AGBL4: variants seen among roughly 807,000 people sequenced by gnomAD.
AGBL4 encodes the protein AGBL carboxypeptidase 4.
In AGBL4, 58 loss-of-function variants were observed where a neutral mutation model predicts 66.4. That is an observed-to-expected ratio of 0.87 (90% CI 0.71 to 1.09). The LOEUF (loss-of-function observed/expected upper bound fraction) is 1.09, where lower values mean the gene tolerates loss of function less well. AGBL4 is among the 50% of genes least tolerant of loss of function. The pLI is 0.00. For synonymous variants in AGBL4, 234 were observed against 222.9 expected (o/e 1.05, Z -0.44); for missense variants, 579 against 631.0 (o/e 0.92, Z 0.88).
At chr1:48,595,175 A>G (rs1422496725) in intron 9 of AGBL4, among the ~76,000 whole-genome samples, 3 of 152,174 alleles carry the variant, frequency 2.0e-5, no homozygotes, top group Non-Finnish European at 4.4e-5. Flanking sequence ...CTTATAATTC[A>G]AGGTACAGAT....
chr1:49,185,239 C>G (rs2148194305), intron 4 of AGBL4, among the ~76,000 whole-genome samples: 1 of 152,244 alleles, frequency 6.6e-6, no homozygotes, highest in South Asian at 2.1e-4. Flanking sequence ...ATCCACTTGA[C>G]ATAACAGATT....
intron 2 of AGBL4, among the ~76,000 whole-genome samples, chr1:49,707,502 A>G (rs1342797326): frequency 6.7e-6 from 1 of 149,274 alleles, no homozygotes; most frequent in African/African-American, 2.5e-5. Context: ...TTGACCCTTT[A>G]TCTAATTTGC....
At chr1:48,570,223 G>A (rs945987872) in intron 11 of AGBL4, among the ~76,000 whole-genome samples, 3 of 152,222 alleles carry the variant, frequency 2.0e-5, no homozygotes, top group African/African-American at 7.2e-5. Context: ...TCACCTTCCG[G>A]TGAAGAGGTA....
intron 3 of AGBL4, among the ~76,000 whole-genome samples, chr1:49,511,012 T>C (rs542535039): frequency 9.2e-5 from 14 of 152,012 alleles, no homozygotes; most frequent in Non-Finnish European, 1.6e-4. Flanking sequence ...TGAAGTCAGG[T>C]AGTGTGATGC....
At chr1:48,982,018 A>G (rs991895826) in intron 5 of AGBL4, among the ~76,000 whole-genome samples, 4 of 152,198 alleles carry the variant, frequency 2.6e-5, no homozygotes, top group Admixed American at 2.0e-4. Context: ...CATGACAAAG[A>G]GCTCACTAGG....
intron 4 of AGBL4, among the ~76,000 whole-genome samples, chr1:49,197,813 C>A (rs1647350739): frequency 6.6e-6 from 1 of 152,182 alleles, no homozygotes; most frequent in Non-Finnish European, 1.5e-5. Context: ...AGCCCAAGTT[C>A]ATCATCCATG....
intron 1 of AGBL4, among the ~76,000 whole-genome samples, chr1:49,919,069 T>C (rs577987450): frequency 6.6e-5 from 10 of 152,336 alleles, no homozygotes; most frequent in Middle Eastern, 3.4e-3. Flanking sequence ...AAATTCGGTA[T>C]TGATGGGACA....
At chr1:49,371,281 A>C (rs1374271975) in intron 3 of AGBL4, among the ~76,000 whole-genome samples, 1 of 151,974 alleles carries the variant, frequency 6.6e-6, no homozygotes, top group African/African-American at 2.4e-5. Context: ...ACATACATAC[A>C]TACATACACA....
chr1:49,279,323 C>T (rs1462948758), intron 3 of AGBL4, among the ~76,000 whole-genome samples: 3 of 152,140 alleles, frequency 2.0e-5, no homozygotes, highest in African/African-American at 7.2e-5. Context: ...ATTAGGATGA[C>T]AAAGCCAGGC....
At chr1:48,896,897 T>C (rs1651571733) in intron 5 of AGBL4, among the ~76,000 whole-genome samples, 1 of 152,214 alleles carries the variant, frequency 6.6e-6, no homozygotes, top group African/African-American at 2.4e-5. Context: ...TAGTTCTGAA[T>C]GAGACTTTTG....
intron 3 of AGBL4, among the ~76,000 whole-genome samples, chr1:49,499,655 C>T (rs1647948855): frequency 1.3e-5 from 2 of 151,904 alleles, no homozygotes; most frequent in Admixed American, 6.6e-5. Flanking sequence ...GAATAATGGT[C>T]TCCAATTCCA....
intron 3 of AGBL4, among the ~76,000 whole-genome samples, chr1:49,447,716 A>C (rs941823472): frequency 8.5e-5 from 13 of 152,148 alleles, no homozygotes; most frequent in African/African-American, 3.1e-4. Flanking sequence ...TGGACTGCTA[A>C]AGCTCTCTCA....
At chr1:48,694,509 C>T (rs1356520215) in intron 6 of AGBL4, among the ~76,000 whole-genome samples, 1 of 152,206 alleles carries the variant, frequency 6.6e-6, no homozygotes, top group East Asian at 1.9e-4. Flanking sequence ...TGTATGCAAT[C>T]CTGGTACTTT....
chr1:49,364,273 A>T (rs1170327776), intron 3 of AGBL4, among the ~76,000 whole-genome samples: 3 of 152,196 alleles, frequency 2.0e-5, no homozygotes, highest in Admixed American at 1.3e-4. Context: ...GCTAAGGGAC[A>T]TATTATGACT....
chr1:50,022,009 G>C (rs186803706), intron 1 of AGBL4, among the ~76,000 whole-genome samples: 6 of 152,134 alleles, frequency 3.9e-5, no homozygotes, highest in African/African-American at 1.4e-4. Flanking sequence ...CCACCTGCTT[G>C]GGTTCTTTGC....
chr1:49,138,661 A>C (rs1043260620), intron 4 of AGBL4, among the ~76,000 whole-genome samples: 1 of 152,158 alleles, frequency 6.6e-6, no homozygotes, highest in African/African-American at 2.4e-5. Flanking sequence ...ACCTCCTGCC[A>C]CATTTCCAGA....
intron 3 of AGBL4, among the ~76,000 whole-genome samples, chr1:49,594,395 T>C (rs968216352): frequency 6.6e-6 from 1 of 152,212 alleles, no homozygotes; most frequent in African/African-American, 2.4e-5. Context: ...GTGCAGAACA[T>C]GCAGGTTTGT....
chr1:48,882,865 G>T (rs1649927149), intron 5 of AGBL4, among the ~76,000 whole-genome samples: 1 of 152,074 alleles, frequency 6.6e-6, no homozygotes. Context: ...AGATCATATA[G>T]TACTTGTATT....
intron 12 of AGBL4, among the ~76,000 whole-genome samples, chr1:48,536,804 C>G (rs1162098507): frequency 1.3e-5 from 2 of 152,226 alleles, no homozygotes; most frequent in Admixed American, 6.5e-5. Context: ...GTCCCCTTTG[C>G]TGGAGCATTT....
Sources: allele counts gnomAD v4.1 joint callset (sites outside exome capture counted in the v4.1 genomes callset), GRCh38; gene constraint gnomAD v4.1.1; transcripts MANE v1.5; gene names NCBI Gene and HGNC (gene_info 2026-07-23, HGNC 2026-07-21).